TIAM1: variants seen among roughly 807,000 people sequenced by gnomAD.
TIAM1 encodes TIAM Rac1 associated GEF 1, also known as rho guanine nucleotide exchange factor TIAM1.
In TIAM1, 65 loss-of-function variants were observed where a neutral mutation model predicts 163.5. The observed-to-expected ratio is 0.40, with a 90% CI of 0.33 to 0.49. The LOEUF (loss-of-function observed/expected upper bound fraction) is 0.49. Ranked by LOEUF, TIAM1 falls within the 20% of genes least tolerant of loss-of-function variation. The pLI is 0.77. For missense variants in TIAM1, 1,789 were observed against 2,044.7 expected (o/e 0.87, Z 2.41); for synonymous variants, 833 against 810.1 (o/e 1.03, Z -0.48).
At chr21:31,406,065 T>C (rs1417997003) in intron 2 of TIAM1, among the ~76,000 whole-genome samples, 1 of 151,924 alleles carries the variant, frequency 6.6e-6, no homozygotes, top group Non-Finnish European at 1.5e-5. Flanking sequence ...TTCTCAAAGA[T>C]ACACAAACGT....
intron 2 of TIAM1, among the ~76,000 whole-genome samples, chr21:31,296,035 G>A (rs767581290): frequency 4.6e-5 from 7 of 152,174 alleles, no homozygotes; most frequent in African/African-American, 7.2e-5. Flanking sequence ...CTGACCTCAG[G>A]TGACCCGCCT....
chr21:31,185,604 CTA>C (rs1379621527), intron 14 of TIAM1, among the ~76,000 whole-genome samples: 1 of 139,650 alleles, frequency 7.2e-6, no homozygotes, highest in Non-Finnish European at 1.5e-5. Context: ...TATCATATAG[CTA>C]TATATTATAT....
chr21:31,204,420 T>C (rs1287338758), intron 11 of TIAM1, among the ~76,000 whole-genome samples: 2 of 152,204 alleles, frequency 1.3e-5, no homozygotes, highest in Non-Finnish European at 2.9e-5. Context: ...AAAATAAATA[T>C]AAAACCTCTT....
chr21:31,329,791 G>A (rs904775516), intron 2 of TIAM1, among the ~76,000 whole-genome samples: 5 of 152,120 alleles, frequency 3.3e-5, no homozygotes, highest in African/African-American at 9.7e-5. Flanking sequence ...AAGTACTATA[G>A]GTCAAAAGAC....
Position 31,359,758 on chromosome 21 carries a change from C to T in TIAM1, c.-368-20336G>A, listed in dbSNP as rs201736485. Among the ~76,000 whole-genome samples the T allele has an allele frequency of 1.3e-4, 19 of 147,202 alleles. No individual in the cohort carries two copies. In the East Asian group the frequency reaches 4.0e-3, roughly 31 times the overall value. The stretch of plus-strand genomic sequence containing the variant: ...AAGTCGAGATCACACCATTGCACAC[C>T]ACCTGGGAGACAGTCCACAACTCTG... On this transcript the variant is annotated intron_variant, in intron 2 of 28. Coordinates refer to the TIAM1 transcript ENST00000286827.
chr21:31,397,142 G>A (rs1001455297), intron 2 of TIAM1, among the ~76,000 whole-genome samples: 2 of 152,142 alleles, frequency 1.3e-5, no homozygotes, highest in African/African-American at 2.4e-5. Context: ...ATCTTTAGAT[G>A]TAACATCAAA....
chr21:31,280,975 G>A (rs1397676256), intron 2 of TIAM1, among the ~76,000 whole-genome samples: 1 of 151,166 alleles, frequency 6.6e-6, no homozygotes, highest in African/African-American at 2.4e-5. Flanking sequence ...AAATTAGCTG[G>A]GTGTGGTGGC....
At chr21:31,480,573 C>CA (rs2046078598) in intron 1 of TIAM1, among the ~76,000 whole-genome samples, 2 of 152,158 alleles carry the variant, frequency 1.3e-5, no homozygotes, top group South Asian at 4.1e-4. Context: ...TGCCGCATGC[C>CA]AGAGTAAAGG....
At chr21:31,527,580 T>A (rs2047829319) in intron 1 of TIAM1, among the ~76,000 whole-genome samples, 1 of 152,204 alleles carries the variant, frequency 6.6e-6, no homozygotes, top group African/African-American at 2.4e-5. Flanking sequence ...ATTACTAAAT[T>A]CACAGCTGAC....
chr21:31,544,182 A>AG lies in TIAM1; in HGVS notation c.-422+14744dup, dbSNP rs1450414535. ...AAGATCATATCACTGCACTCCAGCC[A>AG]GGGGGGCAGAGGGAGATGGTCTCAA... On this transcript the variant is annotated intron_variant, in intron 1 of 28. Transcript: ENST00000286827. 3.3e-5 allele frequency among the ~76,000 whole-genome samples: 5 copies of AG among 151,442 alleles called. No homozygotes were observed. In the East Asian group the frequency reaches 7.8e-4, roughly 24 times the overall value.
At chr21:31,483,250 C>T (rs978682339) in intron 1 of TIAM1, among the ~76,000 whole-genome samples, 4 of 152,146 alleles carry the variant, frequency 2.6e-5, no homozygotes, top group African/African-American at 9.7e-5. Flanking sequence ...AAGCACCCTC[C>T]CACTCCTTTG....
At chr21:31,552,334 T>C (rs1011935697) in intron 1 of TIAM1, among the ~76,000 whole-genome samples, 5 of 152,226 alleles carry the variant, frequency 3.3e-5, no homozygotes, top group Admixed American at 1.3e-4. Context: ...AAATATAATT[T>C]ATGTCAGAAA....
rs3216559 is a variant in TIAM1 at position 31,540,046 on chromosome 21, G to GA, written c.-422+18880dup. ...GTCTCAAAAAAACATAAAAAAAAAA[G>GA]AAAAAAAAAATTAAGGCCTAGCACA... On this transcript the variant is annotated intron_variant, in intron 1 of 28. Transcript: ENST00000286827. Among the ~76,000 whole-genome samples, 10 of 146,926 alleles carry GA rather than the reference G, an allele frequency of 6.8e-5. No homozygotes were observed. In the East Asian group the frequency reaches 1.0e-3, roughly 15 times the overall value.
At chr21:31,505,763 G>A (rs1805920827) in intron 1 of TIAM1, among the ~76,000 whole-genome samples, 1 of 152,136 alleles carries the variant, frequency 6.6e-6, no homozygotes, top group African/African-American at 2.4e-5. Context: ...CTAGCAGTTT[G>A]GGAGGCTGAA....
chr21:31,322,050 C>CA (rs796873090), intron 2 of TIAM1, among the ~76,000 whole-genome samples: 117 of 151,352 alleles, frequency 7.7e-4, no homozygotes, highest in African/African-American at 2.7e-3. Flanking sequence ...AACAAACAAA[C>CA]AAAAAAACAA....
chr21:31,368,826 T>C (rs1245418506), intron 2 of TIAM1, among the ~76,000 whole-genome samples: 3 of 152,308 alleles, frequency 2.0e-5, no homozygotes, highest in African/African-American at 4.8e-5. Context: ...ACTAAAGATA[T>C]TAAATTAGCA....
chr21:31,400,962 G>T (rs1484599323), intron 2 of TIAM1, among the ~76,000 whole-genome samples: 1 of 152,070 alleles, frequency 6.6e-6, no homozygotes, highest in Non-Finnish European at 1.5e-5. Flanking sequence ...ATGGTGGCAG[G>T]CTCCTGTAAT....
chr21:31,414,261 T>A (rs2043300752), intron 2 of TIAM1, among the ~76,000 whole-genome samples: 1 of 152,220 alleles, frequency 6.6e-6, no homozygotes, highest in East Asian at 1.9e-4. Context: ...GTGAATCTCC[T>A]TAACAACAAG....
At chr21:31,191,715 C>G (rs917777368) in intron 13 of TIAM1, among the ~76,000 whole-genome samples, 76 of 152,154 alleles carry the variant, frequency 5.0e-4, no homozygotes, top group Admixed American at 4.9e-3. Flanking sequence ...AAGACTGACG[C>G]CTGGTGCCCT....
Sources: gnomAD v4.1 joint callset for allele counts (sites outside exome capture counted in the v4.1 genomes callset) on GRCh38, gnomAD v4.1.1 for gene constraint, MANE v1.5 for transcripts, NCBI Gene and HGNC (gene_info 2026-07-23, HGNC 2026-07-21) for gene names.